Variants in DACT2 observed in about 807,000 individuals in gnomAD.
DACT2 encodes the protein dapper homolog 2.
In DACT2, 20 loss-of-function variants were observed where a neutral mutation model predicts 22.2. The ratio of observed to expected loss-of-function variants is 0.90; its 90% CI spans 0.63 to 1.31. The LOEUF is 1.31. Among genes scored for constraint, DACT2 ranks in the 50% most tolerant of loss-of-function variants. DACT2 has a pLI of 0.00. For missense variants in DACT2, 1,048 were observed against 1,061.4 expected (o/e 0.99, Z 0.18); for synonymous variants, 463 against 479.8 (o/e 0.96, Z 0.46).
At chr6:168,319,300 C>A (rs535169298) in intron 1 of DACT2, 88 bp downstream of exon 1, 1 of 1,104,728 alleles carries the variant, frequency 9.1e-7, no homozygotes, top group Non-Finnish European at 1.1e-6. Context: ...CAGACACCCC[C>A]GTCCCACTAA....
chr6:168,313,315 T>C (rs1779466570), intron 1 of DACT2, among the ~76,000 whole-genome samples: 6 of 152,208 alleles, frequency 3.9e-5, no homozygotes, highest in Admixed American at 3.9e-4. Flanking sequence ...AGTGCTCGGA[T>C]TACAGGCATG....
chr6:168,309,139 C>A lies in DACT2; in HGVS notation c.659-41G>T, dbSNP rs1018629227. The A allele has an allele frequency of 4.1e-6, 6 of 1,467,044 alleles. No homozygotes were observed. In the African/African-American group the frequency reaches 5.6e-5, roughly 14 times the overall value. The allele number at this position is 1,467,044 out of a possible 1,614,324, so 90.9% of individuals were successfully genotyped here. A position where few individuals can be genotyped will look rare whatever the true frequency, so the allele number is the denominator to read the frequency against. On this transcript the variant is annotated intron_variant, in intron 3 of 3. Transcript: ENST00000366795. ...ATGAACAAACACGTAACTACGGAGACGATTTAGTGCACTGTTGATTTCATT... is the reference window on the plus strand; with the variant it reads ...ATGAACAAACACGTAACTACGGAGAAGATTTAGTGCACTGTTGATTTCATT...
rs1562498431 is a variant in DACT2, at chr6:168,311,560, T to TACACA, written c.247-277_247-276insTGTGT. On this transcript the variant is annotated intron_variant, in intron 1 of 3. Transcript: ENST00000366795. ...CCCATCCACACACACATACACACAC[T>TACACA]CACACACAAACACACACACCCATCC... is the stretch of plus-strand genomic sequence containing the variant. 3.6e-3 allele frequency among the ~76,000 whole-genome samples: 134 copies of TACACA among 37,448 alleles called. 2 individuals carry two copies. Among genetic ancestry groups the TACACA allele is most frequent in the African/African-American group, 9.1e-3 (124 of 13,606 alleles). The allele number at this position is 37,448 out of a possible 152,430, so 24.6% of individuals were successfully genotyped here.
At chr6:168,311,369 G>A (rs1779393666) in intron 1 of DACT2, 85 bp from the exon 2 acceptor site, 2 of 1,414,488 alleles carry the variant, frequency 1.4e-6, no homozygotes, top group East Asian at 5.3e-5. Context: ...CATGCATTGT[G>A]AATGCAATTT....
Position 168,310,509 on chromosome 6 carries a change from C to T in DACT2, c.380-63G>A. ...CCAGAAAAGCCCAGGGCCCCCTCTC[C>T]TCCTGAGCTTGTCACGGCACAGGTG... On this transcript the variant is annotated intron_variant, in intron 2 of 3. Transcript: ENST00000366795. 2.6e-6 allele frequency: 4 copies of T among 1,515,148 alleles called. No homozygotes were observed. In the Admixed American group the frequency reaches 7.6e-5, roughly 29 times the overall value. 93.9% of individuals were successfully genotyped at this position (1,515,148 alleles called of 1,614,324 possible). A position where few individuals can be genotyped will look rare whatever the true frequency, so the allele number is the denominator to read the frequency against.
chr6:168,296,614 G>A (rs529341466), intron 3 of DACT2, among the ~76,000 whole-genome samples: 2 of 152,304 alleles, frequency 1.3e-5, no homozygotes, highest in South Asian at 2.1e-4. Flanking sequence ...TGGAGGACAA[G>A]CACCCGGAAT....
chr6:168,299,251 A>G (rs1247435648), intron 3 of DACT2: 1 of 152,206 alleles, frequency 6.6e-6, no homozygotes, highest in African/African-American at 2.4e-5. Context: ...CAGCTTAGGC[A>G]TAATTTGTTT....
At chr6:168,303,171 G>GT (rs1779140794), downstream of DACT2, among the ~76,000 whole-genome samples, 1 of 152,056 alleles carries the variant, frequency 6.6e-6, no homozygotes, top group South Asian at 2.1e-4. Context: ...ATGCGCTCCC[G>GT]TTTTCCATCA....
rs975444541 is a variant in DACT2, at chr6:168,307,322, G to A, written c.*110C>T. The A allele has an allele frequency of 3.4e-5, 50 of 1,487,454 alleles. 1 individual carries two copies. The highest frequency in any genetic ancestry group is 3.9e-4 in the Middle Eastern group (2 of 5,094). 92.1% of individuals were successfully genotyped at this position (1,487,454 alleles called of 1,614,324 possible). ...GGGACTCCTGTTAAACGGTGGCCTC[G>A]GAAGATAAAGCGACTTGGCAAGACG... On this transcript the variant is annotated 3_prime_UTR_variant, in exon 4 of 4. Transcript: ENST00000366795. The surrounding 1 kb of genome is among the most constrained non-coding windows in gnomAD (Gnocchi z 5.3).
At chr6:168,318,196 C>T (rs936260001) in intron 1 of DACT2, among the ~76,000 whole-genome samples, 6 of 152,272 alleles carry the variant, frequency 3.9e-5, no homozygotes, top group African/African-American at 1.4e-4. Flanking sequence ...AAACAGACGG[C>T]CAGGATTTGG....
In DACT2 at chr6:168,308,098, G is replaced by C. The variant is rs781388460; in HGVS notation, c.1659C>G (p.Ala553=). Residue 553 remains alanine, a synonymous_variant, in exon 4 of 4, where the codon GCC becomes GCG. Coordinates refer to ENST00000366795, the MANE Select transcript of DACT2 (RefSeq NM_214462.5). ...AACAGGAGCGCCCGGGTGCCTCCCAGGCCAGGGCTGGCCTCCGCTGGAGCC... is the reference window on the plus strand; with the variant it reads ...AACAGGAGCGCCCGGGTGCCTCCCACGCCAGGGCTGGCCTCCGCTGGAGCC... ...RGGLQRRPAL[A]WEAPGRSCSE... 5 of 1,545,330 alleles carry C rather than the reference G, an allele frequency of 3.2e-6. No homozygotes were observed. The highest frequency in any genetic ancestry group is 4.4e-6 in the Non-Finnish European group (5 of 1,143,748).
At chr6:168,305,816 T>C (rs7774402), downstream of DACT2, among the ~76,000 whole-genome samples, 5,204 of 152,262 alleles carry the variant, frequency 0.034, 278 homozygotes, top group African/African-American at 0.11. Context: ...GTTTGAATCA[T>C]CCTTTTAAAT....
In DACT2 at chr6:168,308,122, C is replaced by G; in HGVS notation, c.1635G>C (p.Gly545=). 1.3e-6 allele frequency: 2 copies of G among 1,547,762 alleles called. No homozygotes were observed. Among genetic ancestry groups the G allele is most frequent in the Non-Finnish European group, 1.7e-6 (2 of 1,145,200 alleles). Residue 545 remains glycine (G), a synonymous_variant, in exon 4 of 4, where the codon GGG becomes GGC. Coordinates refer to ENST00000366795, the MANE Select transcript of DACT2 (RefSeq NM_214462.5). Reference sequence around the variant, plus strand: ...AGGCCAGGGCTGGCCTCCGCTGGAGCCCGCCCCTCCCTGTGGGCCAGTGGG... The same window carrying G: ...AGGCCAGGGCTGGCCTCCGCTGGAGGCCGCCCCTCCCTGTGGGCCAGTGGG... The part of the protein sequence containing the change: ...DPAHWPTGRG[G]LQRRPALAWE...
intron 1 of DACT2, among the ~76,000 whole-genome samples, chr6:168,312,944 GA>G: frequency 6.6e-6 from 1 of 152,278 alleles, no homozygotes; most frequent in South Asian, 2.1e-4. Context: ...GGCCAGGCTC[GA>G]CCCAGCACAC....
chr6:168,309,013 C>T lies in DACT2; in HGVS notation c.744G>A (p.Gly248=), dbSNP rs1461905767. 1.0e-5 allele frequency: 16 copies of T among 1,548,016 alleles called. No individual in the cohort carries two copies. Among genetic ancestry groups the T allele is most frequent in the Non-Finnish European group, 1.2e-5 (14 of 1,146,948 alleles). The change falls in exon 4 of 4, where the codon GGG becomes GGA. Residue 248 remains glycine (G), a synonymous_variant. Transcript: ENST00000366795. ...CCGGCACGTGCAGCGGGATATCCACCCCCTGGCAGAGGAGCCCGAGGAGCT... is the reference window on the plus strand; with the variant it reads ...CCGGCACGTGCAGCGGGATATCCACTCCCTGGCAGAGGAGCCCGAGGAGCT... ...DAELLGLLCQ[G]VDIPLHVPDP...
At chr6:168,305,824 A>C (rs1346020079), downstream of DACT2, among the ~76,000 whole-genome samples, 1 of 152,150 alleles carries the variant, frequency 6.6e-6, no homozygotes, top group East Asian at 1.9e-4. Context: ...CATCCTTTTA[A>C]ATTTCAATGC....
chr6:168,301,975 CTT>C (rs748463736), downstream of DACT2: 1 of 152,934 alleles, frequency 6.5e-6, no homozygotes, highest in Non-Finnish European at 1.5e-5. Context: ...ATCTCTCTCT[CTT>C]CTTCCTTCCA....
chr6:168,306,886 G>C (rs998041869), downstream of DACT2: 2 of 989,006 alleles, frequency 2.0e-6, no homozygotes, highest in African/African-American at 3.5e-5. Flanking sequence ...GCCACACAAG[G>C]AATCAGGGAG....
At position 168,319,028 on chromosome 6, in the gene DACT2, C is replaced by T. The variant is rs558730680; in HGVS notation, c.246+360G>A. ...GAGCCGACCTCCGCCAGGGGAACGC[C>T]GGTCAGTGCCTGCAGGTCAGATCAG... On this transcript the variant is annotated intron_variant, in intron 1 of 3. Coordinates refer to ENST00000366795, the MANE Select transcript of DACT2 (RefSeq NM_214462.5). Among the ~76,000 whole-genome samples the T allele has an allele frequency of 2.6e-5, 4 of 152,224 alleles. No individual in the cohort carries two copies. In the East Asian group the frequency reaches 7.7e-4, roughly 29 times the overall value.
Sources: gnomAD v4.1 joint callset for allele counts (sites outside exome capture counted in the v4.1 genomes callset) on GRCh38, gnomAD v4.1.1 for gene constraint, Gnocchi (gnomAD v3.1) non-coding constraint, MANE v1.5 for transcripts, NCBI Gene and HGNC (gene_info 2026-07-23, HGNC 2026-07-21) for gene names.